AUTS2: variants seen among roughly 807,000 people sequenced by gnomAD.
The protein encoded by AUTS2 is autism susceptibility gene 2 protein.
A neutral mutation model predicts 112.4 loss-of-function variants in AUTS2; 17 were observed. That is an observed-to-expected ratio of 0.15 (90% CI 0.10 to 0.23). The LOEUF (loss-of-function observed/expected upper bound fraction) is 0.23, where lower values mean the gene tolerates loss of function less well. Ranked by LOEUF, AUTS2 falls within the 10% of genes least tolerant of loss-of-function variation. AUTS2 has a pLI of 1.00. For missense variants in AUTS2, 1,510 were observed against 1,701.6 expected (o/e 0.89, Z 1.98); for synonymous variants, 751 against 702.7 (o/e 1.07, Z -1.09).
chr7:70,699,936 G>C (rs1031938024), intron 6 of AUTS2, among the ~76,000 whole-genome samples: 2 of 150,128 alleles, frequency 1.3e-5, no homozygotes, highest in African/African-American at 2.5e-5. Context: ...GGGCTTCTTC[G>C]TTTCTGCAGC....
chr7:70,391,988 C>T (rs570967133), intron 4 of AUTS2, among the ~76,000 whole-genome samples: 1 of 152,324 alleles, frequency 6.6e-6, no homozygotes, highest in African/African-American at 2.4e-5. Flanking sequence ...CACCAGCCCC[C>T]ACAGAGTGCT....
chr7:70,299,625 GAA>G (rs890731770), intron 4 of AUTS2, among the ~76,000 whole-genome samples: 6 of 152,104 alleles, frequency 3.9e-5, no homozygotes, highest in Non-Finnish European at 7.4e-5. Flanking sequence ...CTTTCAGCAA[GAA>G]AATGATGAGC....
chr7:70,732,982 CTGAT>C (rs903450998), intron 6 of AUTS2, among the ~76,000 whole-genome samples: 1 of 152,182 alleles, frequency 6.6e-6, no homozygotes, highest in Admixed American at 6.5e-5. Flanking sequence ...CCTGTCTTCT[CTGAT>C]TTTGCATCTT....
At chr7:70,280,626 G>A (rs890800107) in intron 4 of AUTS2, among the ~76,000 whole-genome samples, 2 of 152,038 alleles carry the variant, frequency 1.3e-5, no homozygotes, top group Admixed American at 1.3e-4. Context: ...AGGATCTTTG[G>A]CTTCAGTCAT....
At chr7:70,178,381 A>G (rs1809109881) in intron 4 of AUTS2, among the ~76,000 whole-genome samples, 1 of 152,076 alleles carries the variant, frequency 6.6e-6, no homozygotes, top group Admixed American at 6.5e-5. Flanking sequence ...CTTAGTCATT[A>G]TTGACATCAT....
In AUTS2 at chr7:70,763,007, G is replaced by T. The variant is rs1209164358; in HGVS notation, c.880G>T (p.Val294Leu). 2 of 1,613,978 alleles carry T rather than the reference G, an allele frequency of 1.2e-6. No individual in the cohort carries two copies. Among genetic ancestry groups the T allele is most frequent in the African/African-American group, 1.3e-5 (1 of 74,888 alleles). ...CCKEPIFEPV[V>L]LKDPCPQVAQ... ...CAAAGAGCCAATCTTTGAGCCTGTG[G>T]TGCTTAAAGACCCCTGCCCTCAGGT... Residue 294 changes from valine (V) to leucine (L), a missense_variant, in exon 7 of 19, where the codon GTG (valine) becomes TTG (leucine). Around this residue, in one of 3 missense-constraint regions of AUTS2, gnomAD observed 535 missense variants for 594.3 expected, o/e 0.90. Transcript: ENST00000342771.
chr7:70,081,387 T>TAAAAAA (rs57155688), intron 2 of AUTS2, among the ~76,000 whole-genome samples: 1 of 88,930 alleles, frequency 1.1e-5, no homozygotes, highest in Non-Finnish European at 2.2e-5. Flanking sequence ...CCCGTCTCTA[T>TAAAAAA]AAAAAAAAAA....
intron 2 of AUTS2, among the ~76,000 whole-genome samples, chr7:70,067,831 G>C (rs1802564797): frequency 6.6e-6 from 1 of 151,368 alleles, no homozygotes; most frequent in East Asian, 1.9e-4. Flanking sequence ...CCCAGCCCAG[G>C]TGACAGAGTG....
At chr7:69,754,697 G>A (rs765881912) in intron 1 of AUTS2, among the ~76,000 whole-genome samples, 1 of 152,208 alleles carries the variant, frequency 6.6e-6, no homozygotes. Flanking sequence ...AATGACATTC[G>A]AGTTCCTGTT....
intron 5 of AUTS2, among the ~76,000 whole-genome samples, chr7:70,649,359 C>G (rs1267836617): frequency 6.6e-6 from 1 of 152,024 alleles, no homozygotes; most frequent in Non-Finnish European, 1.5e-5. Context: ...AAGATCATGC[C>G]CCTGCACTCT....
At chr7:70,390,978 G>A (rs921135007) in intron 4 of AUTS2, among the ~76,000 whole-genome samples, 3 of 152,160 alleles carry the variant, frequency 2.0e-5, no homozygotes, top group Admixed American at 6.5e-5. Flanking sequence ...GCTGATAACT[G>A]TAAAACCATA....
At chr7:69,605,306 G>A (rs1320932130) in intron 1 of AUTS2, among the ~76,000 whole-genome samples, 1 of 152,178 alleles carries the variant, frequency 6.6e-6, no homozygotes. Context: ...GTGGCAAGGG[G>A]AGTGAAAGTG....
At chr7:69,751,668 A>G (rs1038886792) in intron 1 of AUTS2, among the ~76,000 whole-genome samples, 31 of 152,188 alleles carry the variant, frequency 2.0e-4, no homozygotes, top group African/African-American at 7.2e-4. Context: ...GTAGACATAT[A>G]ATAGTTACTT....
intron 1 of AUTS2, among the ~76,000 whole-genome samples, chr7:69,676,534 T>TA (rs1796572014): frequency 6.6e-6 from 1 of 152,228 alleles, no homozygotes; most frequent in Non-Finnish European, 1.5e-5. Flanking sequence ...ATGGAGGTCT[T>TA]ATGCTTCACA....
chr7:70,556,996 G>A (rs1351505583), intron 5 of AUTS2, among the ~76,000 whole-genome samples: 1 of 152,278 alleles, frequency 6.6e-6, no homozygotes, highest in East Asian at 1.9e-4. Flanking sequence ...AGAGAACTTT[G>A]TACCTACACC....
chr7:70,053,500 G>A (rs1160072197), intron 2 of AUTS2, among the ~76,000 whole-genome samples: 1 of 149,508 alleles, frequency 6.7e-6, no homozygotes, highest in Non-Finnish European at 1.5e-5. Flanking sequence ...TTTTTTGCGT[G>A]TAGCTACAAA....
chr7:69,891,692 T>C (rs1218231510), intron 1 of AUTS2, among the ~76,000 whole-genome samples: 1 of 151,670 alleles, frequency 6.6e-6, no homozygotes, highest in African/African-American at 2.4e-5. Flanking sequence ...TGGTATCTCA[T>C]TGTGGTTTTA....
chr7:69,765,533 T>A (rs550001159), intron 1 of AUTS2, among the ~76,000 whole-genome samples: 1 of 152,282 alleles, frequency 6.6e-6, no homozygotes, highest in African/African-American at 2.4e-5. Flanking sequence ...CCCAGGTTGG[T>A]CTTAAACTCC....
chr7:70,518,331 T>C (rs745692533), intron 5 of AUTS2, among the ~76,000 whole-genome samples: 1 of 152,178 alleles, frequency 6.6e-6, no homozygotes, highest in Non-Finnish European at 1.5e-5. Context: ...CTGATTTTCA[T>C]GATCCTGCTA....
Sources: gnomAD v4.1 joint callset for allele counts (sites outside exome capture counted in the v4.1 genomes callset) on GRCh38, gnomAD v4.1.1 for gene constraint, gnomAD v4.1.1 regional missense constraint, MANE v1.5 for transcripts, NCBI Gene and HGNC (gene_info 2026-07-23, HGNC 2026-07-21) for gene names.